The following TMEM135 variants were observed in gnomAD, a reference collection of about 807,000 sequenced individuals.
The protein encoded by TMEM135 is peroxisomal membrane protein 52.
Under a neutral mutation model 60.3 loss-of-function variants are expected in TMEM135, and 30 were observed. The observed-to-expected ratio is 0.50, with a 90% CI of 0.37 to 0.68. The LOEUF (loss-of-function observed/expected upper bound fraction) is 0.68. TMEM135 is among the 30% of genes least tolerant of loss of function. The pLI is 0.00. For missense variants in TMEM135, 468 were observed against 548.8 expected, an observed-to-expected ratio of 0.85 and a Z score of 1.47; for synonymous variants, 190 against 186.7, an observed-to-expected ratio of 1.02 and a Z score of -0.14.
intron 5 of TMEM135, among the ~76,000 whole-genome samples, chr11:87,170,169 C>G (rs1331856401): frequency 6.6e-6 from 1 of 152,114 alleles, no homozygotes; most frequent in Non-Finnish European, 1.5e-5. Flanking sequence ...ACTGGTTATT[C>G]TAGTTAGCAA....
At chr11:87,313,557 A>G in intron 11 of TMEM135, 69 bp downstream of exon 11, 1 of 1,196,306 alleles carries the variant, frequency 8.4e-7, no homozygotes, top group Non-Finnish European at 1.2e-6. Context: ...TGGAAATACC[A>G]TCCAATTCAT....
chr11:87,306,962 C>G (rs2135445010), intron 9 of TMEM135, among the ~76,000 whole-genome samples: 1 of 152,232 alleles, frequency 6.6e-6, no homozygotes, highest in East Asian at 1.9e-4. Context: ...CTTAGGGGAT[C>G]TGCCTGCCTT....
intron 12 of TMEM135, among the ~76,000 whole-genome samples, chr11:87,316,610 A>T (rs1942735153): frequency 6.6e-6 from 1 of 152,044 alleles, no homozygotes; most frequent in African/African-American, 2.4e-5. Flanking sequence ...AACTATACAG[A>T]TTTGGTGTAT....
chr11:87,210,539 CA>C (rs1591106522), intron 5 of TMEM135, among the ~76,000 whole-genome samples: 1 of 152,032 alleles, frequency 6.6e-6, no homozygotes, highest in African/African-American at 2.4e-5. Flanking sequence ...TACTGACCAA[CA>C]AAAGCCCTGG....
chr11:87,150,229 A>G (rs1030124013), intron 4 of TMEM135, among the ~76,000 whole-genome samples: 41 of 151,610 alleles, frequency 2.7e-4, no homozygotes, highest in African/African-American at 9.2e-4. Context: ...AAAAAAAAAA[A>G]AAAAAAGAAA....
chr11:87,216,716 T>C (rs1018715739), intron 5 of TMEM135, among the ~76,000 whole-genome samples: 35 of 152,226 alleles, frequency 2.3e-4, no homozygotes, highest in African/African-American at 8.2e-4. Flanking sequence ...ATTATACAGT[T>C]AAACCATAAG....
At chr11:87,197,210 G>A (rs948076160) in intron 5 of TMEM135, among the ~76,000 whole-genome samples, 3 of 151,940 alleles carry the variant, frequency 2.0e-5, no homozygotes, top group Non-Finnish European at 4.4e-5. Flanking sequence ...AATTTCCATG[G>A]CATTTTGTAC....
Position 87,322,015 on chromosome 11 carries a change from A to C in TMEM135, c.*682A>C, listed in dbSNP as rs927628970. 6.6e-6 allele frequency: 3 copies of C among 454,312 alleles called. No homozygotes were observed. The Admixed American group carries it at 7.1e-5, about 11-fold the overall frequency. 28.1% of individuals were successfully genotyped at this position (454,312 alleles called of 1,614,324 possible). On this transcript the variant is annotated 3_prime_UTR_variant, in exon 15 of 15. Coordinates refer to ENST00000305494, the MANE Select transcript of TMEM135 (RefSeq NM_022918.4). ...AATTGGGCTATTTGGCAGCCCAGTGAACCTATGTACTAATGGCAAGTTAGG... is the reference window on the plus strand; with the variant it reads ...AATTGGGCTATTTGGCAGCCCAGTGCACCTATGTACTAATGGCAAGTTAGG...
chr11:87,304,229 G>T (rs181963198), intron 8 of TMEM135, among the ~76,000 whole-genome samples: 2 of 152,220 alleles, frequency 1.3e-5, no homozygotes, highest in Non-Finnish European at 2.9e-5. Flanking sequence ...AAATTAGCTA[G>T]GATTGATGGC....
At chr11:87,111,320 T>C (rs533510621) in intron 4 of TMEM135, among the ~76,000 whole-genome samples, 7 of 152,208 alleles carry the variant, frequency 4.6e-5, no homozygotes, top group African/African-American at 1.7e-4. Flanking sequence ...AATAAGCTCT[T>C]CCATGTCTGA....
rs1341316932 is a variant in TMEM135 at position 87,328,740 on chromosome 11, C to G, written c.*7407C>G. ...ATATATACCACATTTTCTTTATCCA[C>G]TCATTGGTCTATGGGCACTTTGGTT... On this transcript the variant is annotated 3_prime_UTR_variant, in exon 15 of 15. Coordinates refer to ENST00000305494, the MANE Select transcript of TMEM135 (RefSeq NM_022918.4). 4.4e-6 allele frequency: 2 copies of G among 454,072 alleles called. No homozygotes were observed. The highest frequency in any genetic ancestry group is 1.6e-5 in the South Asian group (1 of 64,476). 28.1% of individuals were successfully genotyped at this position (454,072 alleles called of 1,614,324 possible). A position where few individuals can be genotyped will look rare whatever the true frequency, so the allele number is the denominator to read the frequency against.
chr11:87,166,079 G>T (rs1267602108), intron 5 of TMEM135, among the ~76,000 whole-genome samples: 1 of 151,594 alleles, frequency 6.6e-6, no homozygotes, highest in South Asian at 2.1e-4. Context: ...AACAGGATCT[G>T]AAATTGTGGC....
In TMEM135 at chr11:87,309,558, C is replaced by T; in HGVS notation, c.822C>T (p.Ile274=). 1.9e-6 allele frequency: 3 copies of T among 1,613,858 alleles called. No homozygotes were observed. The highest frequency in any genetic ancestry group is 2.5e-6 in the Non-Finnish European group (3 of 1,179,814). Residue 274 remains isoleucine (I), a synonymous_variant, in exon 10 of 15, where the codon ATC becomes ATT. Coordinates refer to ENST00000305494, the MANE Select transcript of TMEM135 (RefSeq NM_022918.4). ...VGYLIQCCLR[I]PSAFRHLFTQ... ...ACTTGATCCAGTGCTGCCTCCGAAT[C>T]CCTTCTGCATTTAGGCATCTGTTTA...
At chr11:87,159,925 A>G (rs944446777) in intron 5 of TMEM135, among the ~76,000 whole-genome samples, 1 of 152,162 alleles carries the variant, frequency 6.6e-6, no homozygotes, top group African/African-American at 2.4e-5. Context: ...ACCTGAAATC[A>G]TTGTATTTAT....
chr11:87,255,577 G>A (rs910092200), intron 6 of TMEM135, among the ~76,000 whole-genome samples: 5 of 152,102 alleles, frequency 3.3e-5, no homozygotes, highest in Admixed American at 2.0e-4. Flanking sequence ...ATTCAGGGCT[G>A]TAGTGCGCTA....
chr11:87,056,715 C>G (rs1279920702), intron 1 of TMEM135, among the ~76,000 whole-genome samples: 2 of 152,072 alleles, frequency 1.3e-5, no homozygotes. Flanking sequence ...GTGATTTCTT[C>G]TCTTTCTCAA....
intron 6 of TMEM135, among the ~76,000 whole-genome samples, chr11:87,254,535 A>G (rs183623897): frequency 6.9e-4 from 105 of 152,360 alleles, no homozygotes; most frequent in African/African-American, 2.3e-3. Context: ...CTACAAGAAC[A>G]TAATATTTTT....
chr11:87,160,219 G>A (rs1226548433), intron 5 of TMEM135, among the ~76,000 whole-genome samples: 3 of 152,146 alleles, frequency 2.0e-5, no homozygotes, highest in East Asian at 1.9e-4. Flanking sequence ...GCTGTATTTT[G>A]TGTACTTACT....
chr11:87,091,784 T>A (rs1292971515), intron 4 of TMEM135, among the ~76,000 whole-genome samples: 2 of 152,116 alleles, frequency 1.3e-5, no homozygotes, highest in Admixed American at 6.5e-5. Context: ...TTATGATGTA[T>A]GTTCTTCTTG....
Sources: allele counts gnomAD v4.1 joint callset (sites outside exome capture counted in the v4.1 genomes callset), GRCh38; gene constraint gnomAD v4.1.1; transcripts MANE v1.5; gene names NCBI Gene and HGNC (gene_info 2026-07-23, HGNC 2026-07-21).